The following PALM2AKAP2 variants were observed in gnomAD, a reference collection of about 807,000 sequenced individuals.
The protein encoded by PALM2AKAP2 is PALM2-AKAP2 fusion protein.
PALM2AKAP2 carries 37 observed loss-of-function variants against 71.5 expected under a neutral mutation model. That is an observed-to-expected ratio of 0.52 (90% CI 0.40 to 0.68). PALM2AKAP2 has a LOEUF of 0.68. Ranked by LOEUF, PALM2AKAP2 falls within the 30% of genes least tolerant of loss-of-function variation. The pLI is 0.00. For synonymous variants in PALM2AKAP2, 468 were observed against 478.8 expected (o/e 0.98, Z 0.29); for missense variants, 1,224 against 1,191.8 (o/e 1.03, Z -0.40).
At chr9:110,094,352 G>A (rs533794880) in intron 1 of PALM2AKAP2, among the ~76,000 whole-genome samples, 2 of 152,130 alleles carry the variant, frequency 1.3e-5, no homozygotes, top group Non-Finnish European at 2.9e-5. Context: ...TCGTCTTTGC[G>A]CTAGGTAGCC....
intron 3 of PALM2AKAP2, among the ~76,000 whole-genome samples, chr9:109,891,493 G>GTA (rs1830088513): frequency 6.6e-6 from 1 of 152,104 alleles, no homozygotes; most frequent in South Asian, 2.1e-4. Flanking sequence ...TTTTGTGTGT[G>GTA]TGTGTGTGTG....
chr9:110,045,518 C>T (rs2132477921), upstream of PALM2AKAP2, among the ~76,000 whole-genome samples: 1 of 152,202 alleles, frequency 6.6e-6, no homozygotes, highest in African/African-American at 2.4e-5. Flanking sequence ...TTGGCCCTGC[C>T]CCACACATTC....
chr9:110,008,080 G>A (rs79336786), intron 6 of PALM2AKAP2, among the ~76,000 whole-genome samples: 1 of 152,154 alleles, frequency 6.6e-6, no homozygotes, highest in Non-Finnish European at 1.5e-5. Flanking sequence ...TACACAGAAA[G>A]GTGGTGGGAA....
At chr9:110,148,950 G>A (rs1836244295) in intron 2 of PALM2AKAP2, among the ~76,000 whole-genome samples, 1 of 152,174 alleles carries the variant, frequency 6.6e-6, no homozygotes, top group Non-Finnish European at 1.5e-5. Context: ...AGTCAGGGAT[G>A]ACAATAGCTG....
chr9:109,798,672 G>A (rs1827333019), intron 1 of PALM2AKAP2, among the ~76,000 whole-genome samples: 2 of 152,208 alleles, frequency 1.3e-5, no homozygotes, highest in Admixed American at 6.5e-5. Flanking sequence ...AGTCCTGTCT[G>A]TGTTTTTGCT....
chr9:109,972,476 C>T (rs1005266832), intron 6 of PALM2AKAP2, among the ~76,000 whole-genome samples: 1 of 152,198 alleles, frequency 6.6e-6, no homozygotes, highest in African/African-American at 2.4e-5. Flanking sequence ...TGGGAGACAG[C>T]ATGGCATGAG....
intron 1 of PALM2AKAP2, among the ~76,000 whole-genome samples, chr9:110,095,253 G>A (rs527355521): frequency 1.3e-4 from 20 of 152,292 alleles, no homozygotes; most frequent in African/African-American, 4.8e-4. Context: ...AATCCCCATG[G>A]AGATGTCTCT....
At chr9:109,770,140 G>A (rs1012971749) in intron 1 of PALM2AKAP2, among the ~76,000 whole-genome samples, 1 of 152,120 alleles carries the variant, frequency 6.6e-6, no homozygotes, top group African/African-American at 2.4e-5. Context: ...TCTTGGGCTG[G>A]GTCGGAGTTG....
At chr9:109,663,253 T>C (rs1201389798) in intron 1 of PALM2AKAP2, among the ~76,000 whole-genome samples, 2 of 152,182 alleles carry the variant, frequency 1.3e-5, no homozygotes, top group Non-Finnish European at 2.9e-5. Context: ...TTTGCTTGCT[T>C]CTCTAGTTCT....
rs996944212 is a variant in PALM2AKAP2, at chr9:110,061,771, TC to T, written c.156+12918del. ...CCAGGCTGGTCTCGAACTCTTGAGCTCCAGTAATCTGCCTGCCTCGGCCTCC... is the reference window on the plus strand; with the variant it reads ...CCAGGCTGGTCTCGAACTCTTGAGCTCAGTAATCTGCCTGCCTCGGCCTCC... On this transcript the variant is annotated intron_variant, in intron 1 of 3. Transcript: ENST00000374525. Among the ~76,000 whole-genome samples, 7 of 140,256 alleles carry T rather than the reference TC, an allele frequency of 5.0e-5. 1 individual carries two copies. Among genetic ancestry groups the T allele is most frequent in the African/African-American group, 2.3e-4 (7 of 30,840 alleles). The allele number at this position is 140,256 out of a possible 152,430, so 92.0% of individuals were successfully genotyped here. A position where few individuals can be genotyped will look rare whatever the true frequency, so the allele number is the denominator to read the frequency against.
intron 1 of PALM2AKAP2, among the ~76,000 whole-genome samples, chr9:109,808,488 A>T (rs1827638619): frequency 6.6e-6 from 1 of 152,244 alleles, no homozygotes; most frequent in Non-Finnish European, 1.5e-5. Flanking sequence ...TAAAGAGGTG[A>T]CTTGGGTGCT....
chr9:109,835,046 A>G (rs1306150947), intron 1 of PALM2AKAP2, among the ~76,000 whole-genome samples: 2 of 151,868 alleles, frequency 1.3e-5, no homozygotes, highest in Admixed American at 1.3e-4. Context: ...TCACAGTGCC[A>G]TTGAGTCTGA....
In PALM2AKAP2 at chr9:110,004,503, G is replaced by A. The variant is rs1318934808; in HGVS notation, c.497-11451G>A. Among the ~76,000 whole-genome samples, 5 of 152,086 alleles carry A rather than the reference G, an allele frequency of 3.3e-5. No individual in the cohort carries two copies. The East Asian group carries it at 9.6e-4, about 29-fold the overall frequency. ...CAACTTTGGTGAATCTGACAATTAT[G>A]TGTCTTGGAGTTGCTCTTCTCGAGG... On this transcript the variant is annotated intron_variant, in intron 6 of 9. Coordinates refer to the PALM2AKAP2 transcript ENST00000302798.
intron 1 of PALM2AKAP2, among the ~76,000 whole-genome samples, chr9:109,755,731 A>G (rs1397647247): frequency 1.3e-5 from 2 of 152,136 alleles, no homozygotes; most frequent in East Asian, 3.9e-4. Context: ...ACACTGCTTA[A>G]CTTTTCCATA....
At chr9:110,015,469 G>T (rs367595000) in intron 6 of PALM2AKAP2, among the ~76,000 whole-genome samples, 5 of 152,030 alleles carry the variant, frequency 3.3e-5, no homozygotes, top group Non-Finnish European at 7.4e-5. Flanking sequence ...GTGTGGTGGC[G>T]GGTGCCTGTA....
intron 1 of PALM2AKAP2, among the ~76,000 whole-genome samples, chr9:109,798,818 A>C (rs1416705193): frequency 6.6e-6 from 1 of 152,150 alleles, no homozygotes; most frequent in Non-Finnish European, 1.5e-5. Context: ...GAAAGGTATT[A>C]TTTTCTGCAT....
intron 1 of PALM2AKAP2, among the ~76,000 whole-genome samples, chr9:109,851,344 T>C (rs1170491529): frequency 3.3e-5 from 5 of 152,206 alleles, no homozygotes; most frequent in South Asian, 2.1e-4. Flanking sequence ...TCTTCCAGGG[T>C]TGAGCACTGT....
chr9:109,839,304 A>G (rs1028640003), intron 1 of PALM2AKAP2, among the ~76,000 whole-genome samples: 11 of 152,248 alleles, frequency 7.2e-5, no homozygotes, highest in African/African-American at 2.7e-4. Flanking sequence ...ATCTCAATAG[A>G]TGCAGAAAAG....
chr9:109,669,161 A>G (rs1188332302), intron 1 of PALM2AKAP2, among the ~76,000 whole-genome samples: 2 of 152,140 alleles, frequency 1.3e-5, no homozygotes, highest in Non-Finnish European at 2.9e-5. Flanking sequence ...TGCCCTTTTC[A>G]CTATTAAGTA....
Sources: gnomAD v4.1 joint callset for allele counts (sites outside exome capture counted in the v4.1 genomes callset) on GRCh38, gnomAD v4.1.1 for gene constraint, MANE v1.5 for transcripts, NCBI Gene and HGNC (gene_info 2026-07-23, HGNC 2026-07-21) for gene names.